The following CNTN5 variants were observed in gnomAD, a reference collection of about 807,000 sequenced individuals.
CNTN5 encodes the protein contactin-5.
Under a neutral mutation model 129.1 loss-of-function variants are expected in CNTN5, and 77 were observed. That is an observed-to-expected ratio of 0.60 (90% CI 0.50 to 0.72). The LOEUF (loss-of-function observed/expected upper bound fraction) is 0.72, where lower values mean the gene tolerates loss of function less well. CNTN5 is among the 30% of genes least tolerant of loss of function. The pLI is 0.00. For synonymous variants in CNTN5, 509 were observed against 465.6 expected (o/e 1.09, Z -1.20); for missense variants, 1,478 against 1,328.8 (o/e 1.11, Z -1.75).
chr11:100,260,955 G>A (rs1282358663), intron 17 of CNTN5, among the ~76,000 whole-genome samples: 2 of 152,052 alleles, frequency 1.3e-5, no homozygotes, highest in Admixed American at 6.6e-5. Context: ...GGGCAATCAG[G>A]CAAGAGAAAG....
At chr11:100,307,808 T>C (rs562990) in intron 20 of CNTN5, among the ~76,000 whole-genome samples, 72,778 of 151,284 alleles carry the variant, frequency 0.48, 20,226 homozygotes, top group East Asian at 0.92. Flanking sequence ...ATTTTGTGAA[T>C]GAACATTTTT....
chr11:99,383,726 T>A (rs1940747490), intron 2 of CNTN5, among the ~76,000 whole-genome samples: 1 of 152,208 alleles, frequency 6.6e-6, no homozygotes, highest in African/African-American at 2.4e-5. Context: ...TAAAGTATGC[T>A]ATTAAGAAAT....
chr11:99,651,759 ACTTT>A (rs1416214654), intron 3 of CNTN5, among the ~76,000 whole-genome samples: 1 of 151,968 alleles, frequency 6.6e-6, no homozygotes, highest in African/African-American at 2.4e-5. Context: ...TTATATGTAA[ACTTT>A]CTTTAACATG....
chr11:100,074,421 T>C (rs1944046383), intron 13 of CNTN5, 127 bp downstream of exon 13: 1 of 850,480 alleles, frequency 1.2e-6, no homozygotes, highest in South Asian at 1.8e-5. Flanking sequence ...GATTGAAACA[T>C]GGTTTTGCCT....
chr11:99,801,839 C>T (rs538322424), intron 3 of CNTN5, among the ~76,000 whole-genome samples: 10 of 152,198 alleles, frequency 6.6e-5, no homozygotes, highest in African/African-American at 1.4e-4. Context: ...AGTAGTTTCT[C>T]TGTGTTGATT....
chr11:100,152,970 T>C (rs1947119052), intron 13 of CNTN5, among the ~76,000 whole-genome samples: 1 of 152,014 alleles, frequency 6.6e-6, no homozygotes, highest in African/African-American at 2.4e-5. Flanking sequence ...TCATGGGTTG[T>C]TTTTACCCAT....
intron 2 of CNTN5, among the ~76,000 whole-genome samples, chr11:99,453,486 C>G (rs1423052619): frequency 6.6e-6 from 1 of 152,104 alleles, no homozygotes; most frequent in African/African-American, 2.4e-5. Flanking sequence ...TACAAGATTT[C>G]TTTTGTCTAA....
chr11:100,147,268 G>C (rs549531690), intron 13 of CNTN5, among the ~76,000 whole-genome samples: 6 of 152,024 alleles, frequency 3.9e-5, no homozygotes, highest in Admixed American at 3.9e-4. Context: ...TGAATTTCAC[G>C]CATTCATAGG....
At chr11:99,551,938 C>T (rs1254756667) in intron 2 of CNTN5, among the ~76,000 whole-genome samples, 2 of 148,706 alleles carry the variant, frequency 1.3e-5, no homozygotes, top group Non-Finnish European at 3.0e-5. Flanking sequence ...GACAGAGTCT[C>T]ACTCCATCAC....
At chr11:100,086,452 T>C (rs1463772711) in intron 13 of CNTN5, among the ~76,000 whole-genome samples, 2 of 149,568 alleles carry the variant, frequency 1.3e-5, no homozygotes, top group Non-Finnish European at 3.0e-5. Context: ...TCCAAACTAG[T>C]TAAAAAAATA....
chr11:99,269,142 T>C (rs1245836435), intron 1 of CNTN5, among the ~76,000 whole-genome samples: 1 of 151,900 alleles, frequency 6.6e-6, no homozygotes, highest in African/African-American at 2.4e-5. Flanking sequence ...TTGGGTGTGG[T>C]AGAGCTGCCT....
At chr11:99,382,608 C>T (rs1478899572) in intron 2 of CNTN5, among the ~76,000 whole-genome samples, 2 of 152,022 alleles carry the variant, frequency 1.3e-5, no homozygotes, top group African/African-American at 4.8e-5. Context: ...ATCCACTCGC[C>T]CTCTCTTGTA....
chr11:99,994,424 T>C (rs2137430673), intron 8 of CNTN5, among the ~76,000 whole-genome samples: 1 of 152,254 alleles, frequency 6.6e-6, no homozygotes, highest in South Asian at 2.1e-4. Flanking sequence ...CAAAATGAAT[T>C]ACCGTAGCTT....
rs139685170 is a variant in CNTN5 at position 99,128,352 on chromosome 11, G to A, written c.-210+107082G>A. Among the ~76,000 whole-genome samples, 363 of 152,292 alleles carry A rather than the reference G, an allele frequency of 2.4e-3. 3 individuals are homozygous for A. Among genetic ancestry groups the A allele is most frequent in the African/African-American group, 8.2e-3 (339 of 41,562 alleles). On this transcript the variant is annotated intron_variant, in intron 1 of 24. Coordinates refer to ENST00000524871, the MANE Select transcript of CNTN5 (RefSeq NM_014361.4). The stretch of plus-strand genomic sequence containing the variant: ...TGGACTGGGTGGTACTCCCCACAGC[G>A]TAGCACAGCAGCTGTGGCAGATCAC...
At chr11:99,719,451 T>C (rs960922836) in intron 3 of CNTN5, among the ~76,000 whole-genome samples, 1 of 152,070 alleles carries the variant, frequency 6.6e-6, no homozygotes, top group Non-Finnish European at 1.5e-5. Context: ...AAATTTAATA[T>C]ATGCTTTCTA....
intron 13 of CNTN5, among the ~76,000 whole-genome samples, chr11:100,116,928 T>C (rs58842065): frequency 0.053 from 8,122 of 152,068 alleles, 507 homozygotes; most frequent in African/African-American, 0.15. Flanking sequence ...GCAAATTGAA[T>C]TGCCTGCCTT....
chr11:99,503,914 A>G (rs1946518553), intron 2 of CNTN5, among the ~76,000 whole-genome samples: 1 of 152,192 alleles, frequency 6.6e-6, no homozygotes, highest in Non-Finnish European at 1.5e-5. Flanking sequence ...AGCAAGATAC[A>G]TCGTTTAAAT....
chr11:99,497,095 G>T (rs953969790), intron 2 of CNTN5, among the ~76,000 whole-genome samples: 2 of 152,162 alleles, frequency 1.3e-5, no homozygotes, highest in Non-Finnish European at 2.9e-5. Flanking sequence ...TATTTGTAAA[G>T]TGTGTTAAAC....
chr11:100,105,075 GA>G (rs1945375439), intron 13 of CNTN5, among the ~76,000 whole-genome samples: 1 of 152,080 alleles, frequency 6.6e-6, no homozygotes, highest in Admixed American at 6.5e-5. Context: ...ATCGCAATTG[GA>G]AATGTAGATT....
Sources: gnomAD v4.1 joint callset for allele counts (sites outside exome capture counted in the v4.1 genomes callset) on GRCh38, gnomAD v4.1.1 for gene constraint, MANE v1.5 for transcripts, NCBI Gene and HGNC (gene_info 2026-07-23, HGNC 2026-07-21) for gene names.